Variants in SCAPER observed in about 807,000 individuals in gnomAD.
SCAPER encodes the protein S-phase cyclin A associated protein in the ER.
A neutral mutation model predicts 182.2 loss-of-function variants in SCAPER; 98 were observed. That is an observed-to-expected ratio of 0.54 (90% CI 0.46 to 0.64). The LOEUF (loss-of-function observed/expected upper bound fraction) is 0.64. Ranked by LOEUF, SCAPER falls within the 30% of genes least tolerant of loss-of-function variation. The pLI, the probability that SCAPER is intolerant of heterozygous loss-of-function variation, is 0.00. For missense variants in SCAPER, 1,432 were observed against 1,690.0 expected, an observed-to-expected ratio of 0.85 and a Z score of 2.68; for synonymous variants, 605 against 564.6, an observed-to-expected ratio of 1.07 and a Z score of -1.01.
chr15:76,559,618 T>C (rs1328806817), intron 23 of SCAPER, among the ~76,000 whole-genome samples: 1 of 152,174 alleles, frequency 6.6e-6, no homozygotes, highest in Non-Finnish European at 1.5e-5. Flanking sequence ...TGGAGGCCAT[T>C]ATCCTAAGTG....
chr15:76,825,859 C>T lies in SCAPER; in HGVS notation c.393+15875G>A, dbSNP rs191810780. Reference sequence around the variant, plus strand: ...TCCTGGGTTTAAGCAATTCTCCTGACTCAGCCTCCCAAGTAGCTGGGACTA... The same window carrying T: ...TCCTGGGTTTAAGCAATTCTCCTGATTCAGCCTCCCAAGTAGCTGGGACTA... On this transcript the variant is annotated intron_variant, in intron 5 of 31. Transcript: ENST00000563290. Among the ~76,000 whole-genome samples the T allele has an allele frequency of 5.1e-4, 78 of 152,304 alleles. 1 individual carries two copies. The highest frequency in any genetic ancestry group is 1.8e-3 in the African/African-American group (73 of 41,562).
chr15:76,486,160 T>G (rs2051629449), intron 24 of SCAPER, among the ~76,000 whole-genome samples: 1 of 151,978 alleles, frequency 6.6e-6, no homozygotes, highest in African/African-American at 2.4e-5. Flanking sequence ...TGAGCCGAGA[T>G]CACGCCACTG....
chr15:76,839,010 G>A (rs918725414), intron 5 of SCAPER, among the ~76,000 whole-genome samples: 8 of 152,216 alleles, frequency 5.3e-5, no homozygotes, highest in Non-Finnish European at 1.2e-4. Flanking sequence ...AAATGTAGGG[G>A]TGATGCTTAG....
At chr15:76,417,529 C>T (rs1248144799) in intron 26 of SCAPER, among the ~76,000 whole-genome samples, 1 of 152,146 alleles carries the variant, frequency 6.6e-6, no homozygotes, top group Non-Finnish European at 1.5e-5. Flanking sequence ...ACATTGCTGT[C>T]ATTGATAAGG....
At chr15:76,511,829 T>TTATATATA (rs144159437) in intron 23 of SCAPER, among the ~76,000 whole-genome samples, 9 of 136,834 alleles carry the variant, frequency 6.6e-5, no homozygotes, top group African/African-American at 2.5e-4. Context: ...GATACACTTA[T>TTATATATA]TATATATATA....
intron 1 of SCAPER, among the ~76,000 whole-genome samples, chr15:76,888,262 T>A (rs1355914298): frequency 6.6e-6 from 1 of 152,072 alleles, no homozygotes; most frequent in Non-Finnish European, 1.5e-5. Context: ...AAAACCAGAG[T>A]GCTTCTTCTC....
At chr15:76,874,540 T>C (rs1340163086) in intron 2 of SCAPER, among the ~76,000 whole-genome samples, 1 of 151,952 alleles carries the variant, frequency 6.6e-6, no homozygotes, top group Non-Finnish European at 1.5e-5. Flanking sequence ...ATATATTCCT[T>C]GGCAAGAGGG....
Position 76,352,638 on chromosome 15 carries a change from C to T in SCAPER, c.4047+1311G>A, listed in dbSNP as rs139207412. ...CTGGGATTACAGGTGCCCACAGAGA[C>T]GGCGTTTTACTATGTTGGCCAGGCT... On this transcript the variant is annotated intron_variant, in intron 30 of 31. Transcript: ENST00000563290. Among the ~76,000 whole-genome samples, 544 of 151,900 alleles carry T rather than the reference C, an allele frequency of 3.6e-3. 2 individuals are homozygous for T. Among genetic ancestry groups the T allele is most frequent in the African/African-American group, 0.013 (521 of 41,414 alleles).
intron 29 of SCAPER, among the ~76,000 whole-genome samples, chr15:76,363,086 T>C (rs939363528): frequency 6.6e-6 from 1 of 152,176 alleles, no homozygotes; most frequent in Non-Finnish European, 1.5e-5. Flanking sequence ...ACGGCCCTGC[T>C]CCAGATACCA....
intron 20 of SCAPER, among the ~76,000 whole-genome samples, chr15:76,686,606 T>C (rs1222566733): frequency 1.3e-5 from 2 of 152,146 alleles, no homozygotes; most frequent in East Asian, 1.9e-4. Flanking sequence ...TGTATAGGAA[T>C]GTTAACACCA....
intron 17 of SCAPER, among the ~76,000 whole-genome samples, chr15:76,718,536 G>T (rs537088493): frequency 6.6e-6 from 1 of 152,108 alleles, no homozygotes; most frequent in South Asian, 2.1e-4. Context: ...AGCTACTCGG[G>T]TGGCTGAAGC....
chr15:76,351,281 G>C lies in SCAPER; in HGVS notation c.4055C>G (p.Ala1352Gly), dbSNP rs775216975. The C allele has an allele frequency of 2.5e-6, 4 of 1,609,072 alleles. No homozygotes were observed. The highest frequency in any genetic ancestry group is 3.4e-6 in the Non-Finnish European group (4 of 1,177,622). ...VLLATFIQDL[A>G]QTPGQAENQP... ...GTTTTCCGCTTGACCTGGAGTCTGT[G>C]CCAAATCCTGTATGAGGAGAGAAAA... The change falls in exon 31 of 32, where the codon GCA (alanine) becomes GGA (glycine). Residue 1352 changes from alanine (A) to glycine (G), a missense_variant. By Grantham distance (60) the Ala-to-Gly change is moderately conservative (BLOSUM62 0). This residue lies in a region of SCAPER where 718 missense variants were observed against 799.7 expected (regional missense o/e 0.90). Transcript: ENST00000563290.
intron 24 of SCAPER, among the ~76,000 whole-genome samples, chr15:76,498,016 A>AAG: frequency 6.7e-6 from 1 of 149,256 alleles, no homozygotes; most frequent in Non-Finnish European, 1.5e-5. Context: ...AAAAAAAAAA[A>AAG]AAAATAAGCA....
intron 29 of SCAPER, among the ~76,000 whole-genome samples, chr15:76,357,035 G>C (rs1384210170): frequency 6.6e-6 from 1 of 152,106 alleles, no homozygotes; most frequent in Non-Finnish European, 1.5e-5. Context: ...AAAGAGCTAG[G>C]AGATCTGGGT....
At chr15:76,576,695 C>T (rs2047846730) in intron 22 of SCAPER, among the ~76,000 whole-genome samples, 1 of 151,996 alleles carries the variant, frequency 6.6e-6, no homozygotes, top group South Asian at 2.1e-4. Flanking sequence ...CTCCCTCCTA[C>T]CCTGGCAGCC....
chr15:76,390,166 G>A (rs2043588577), intron 27 of SCAPER, among the ~76,000 whole-genome samples: 1 of 152,144 alleles, frequency 6.6e-6, no homozygotes, highest in Non-Finnish European at 1.5e-5. Context: ...ATGTTGCCCA[G>A]GGTGGTCTCA....
intron 24 of SCAPER, among the ~76,000 whole-genome samples, chr15:76,476,866 T>C (rs1046693259): frequency 2.6e-5 from 4 of 151,964 alleles, no homozygotes; most frequent in African/African-American, 9.7e-5. Flanking sequence ...CCTGTGGATA[T>C]AAAAATTTAC....
intron 20 of SCAPER, among the ~76,000 whole-genome samples, chr15:76,688,992 G>C (rs530046227): frequency 1.1e-4 from 16 of 151,842 alleles, no homozygotes; most frequent in Non-Finnish European, 1.6e-4. Context: ...GGGACTACAG[G>C]TGCTCGTCAC....
At chr15:76,651,863 C>T (rs1185608847) in intron 21 of SCAPER, among the ~76,000 whole-genome samples, 1 of 149,482 alleles carries the variant, frequency 6.7e-6, no homozygotes, top group Non-Finnish European at 1.5e-5. Flanking sequence ...AACACAGATG[C>T]AAAAATCCTC....
Sources: allele counts gnomAD v4.1 joint callset (sites outside exome capture counted in the v4.1 genomes callset), GRCh38; gene constraint gnomAD v4.1.1; regional missense constraint gnomAD v4.1.1; transcripts MANE v1.5; gene names NCBI Gene and HGNC (gene_info 2026-07-23, HGNC 2026-07-21).